Variants in PDZD2 observed in about 807,000 individuals in gnomAD.
The protein encoded by PDZD2 is PDZ domain-containing protein 2.
In PDZD2, 90 loss-of-function variants were observed where a neutral mutation model predicts 220.7. The ratio of observed to expected loss-of-function variants is 0.41; its 90% CI spans 0.34 to 0.49. The LOEUF (loss-of-function observed/expected upper bound fraction) is 0.49, where lower values mean the gene tolerates loss of function less well. Ranked by LOEUF, PDZD2 falls within the 20% of genes least tolerant of loss-of-function variation. PDZD2 has a pLI of 0.28. For missense variants in PDZD2, 3,174 were observed against 3,608.5 expected (o/e 0.88, Z 3.08); for synonymous variants, 1,375 against 1,450.5 (o/e 0.95, Z 1.18).
At chr5:31,916,865 C>T (rs1323826006) in intron 2 of PDZD2, among the ~76,000 whole-genome samples, 1 of 152,148 alleles carries the variant, frequency 6.6e-6, no homozygotes, top group Non-Finnish European at 1.5e-5. Context: ...GAGCCTCCTA[C>T]CAGCATCCTT....
At chr5:32,025,902 C>T (rs951556715) in intron 6 of PDZD2, among the ~76,000 whole-genome samples, 3 of 151,928 alleles carry the variant, frequency 2.0e-5, no homozygotes, top group East Asian at 2.0e-4. Flanking sequence ...GCCCAGGCCA[C>T]GATGTCTTAC....
chr5:31,983,227 C>G lies in PDZD2; in HGVS notation c.549C>G (p.Ala183=), dbSNP rs185493433. 6.4e-5 allele frequency: 104 copies of G among 1,614,066 alleles called. No individual in the cohort carries two copies. The highest frequency in any genetic ancestry group is 3.7e-4 in the Admixed American group (22 of 60,016). ...TGCTGCGTCGCTTTAAGCACAAAGC[C>G]CACTCCACTTATAATGGCAACAGTA... ...LIMLRRFKHK[A]HSTYNGNSSN... is the part of the protein sequence containing the mutation. Residue 183 remains alanine (A), a synonymous_variant, in exon 3 of 25, where the codon GCC becomes GCG. Transcript: ENST00000438447.
At chr5:32,014,450 G>GT (rs1474814339) in intron 6 of PDZD2, among the ~76,000 whole-genome samples, 1 of 152,070 alleles carries the variant, frequency 6.6e-6, no homozygotes. Context: ...AAAGAGAATG[G>GT]GAACAGGATG....
At position 32,077,513 on chromosome 5, in the gene PDZD2, G is replaced by A. The variant is rs1741414348; in HGVS notation, c.3589G>A (p.Glu1197Lys). 2 of 1,614,054 alleles carry A rather than the reference G, an allele frequency of 1.2e-6. No homozygotes were observed. The highest frequency in any genetic ancestry group is 1.7e-6 in the Non-Finnish European group (2 of 1,179,914). The change falls in exon 19 of 25, where the codon GAA (glutamate) becomes AAA (lysine). Residue 1197 changes from glutamate to lysine, a missense_variant. This residue lies in a region of PDZD2 where 1,861 missense variants were observed against 2,001.0 expected (regional missense o/e 0.93). Coordinates refer to ENST00000438447, the MANE Select transcript of PDZD2 (RefSeq NM_178140.4). ...AGATGCTTGTGTCTCTACCAGCTGT[G>A]AACTAGCCAGTGCTCTGTCCCATCT... ...TGDACVSTSCELASALSHLDA... is the reference protein window; with the variant it reads ...TGDACVSTSCKLASALSHLDA...
chr5:31,737,153 A>G (rs1007481037), intron 1 of PDZD2, among the ~76,000 whole-genome samples: 4 of 149,564 alleles, frequency 2.7e-5, no homozygotes, highest in African/African-American at 9.8e-5. Context: ...ATGGAATGTC[A>G]GAGCAGTCTA....
At chr5:31,825,950 T>C (rs200663804) in intron 2 of PDZD2, among the ~76,000 whole-genome samples, 10 of 145,600 alleles carry the variant, frequency 6.9e-5, no homozygotes, top group East Asian at 5.9e-4. Flanking sequence ...TTTTTTTTTT[T>C]CCTCTTTTAA....
At position 32,053,876 on chromosome 5, in the gene PDZD2, TAAA is replaced by T. The variant is rs1190112068; in HGVS notation, c.1894_1896del (p.Lys632del). ...GATCAGCTGCAGAGGACGGAAGACTTAAAGAAGGTAGGGGAAAGCCTCTTGTAT... is the reference window on the plus strand; with the variant it reads ...GATCAGCTGCAGAGGACGGAAGACTTGAAGGTAGGGGAAAGCCTCTTGTAT... On this transcript the variant is annotated inframe_deletion, in exon 10 of 25. Coordinates refer to ENST00000438447, the MANE Select transcript of PDZD2 (RefSeq NM_178140.4). 6.4e-7 allele frequency: 1 copy of T among 1,574,214 alleles called. No individual in the cohort carries two copies. Among genetic ancestry groups the T allele is most frequent in the East Asian group, 2.2e-5 (1 of 44,702 alleles).
chr5:31,778,484 G>A (rs1752850677), intron 1 of PDZD2, among the ~76,000 whole-genome samples: 1 of 152,088 alleles, frequency 6.6e-6, no homozygotes, highest in African/African-American at 2.4e-5. Flanking sequence ...CCACTGGGAG[G>A]AATGAACAAC....
intron 1 of PDZD2, among the ~76,000 whole-genome samples, chr5:31,784,687 T>C (rs545291470): frequency 0.1 from 15,152 of 152,126 alleles, 830 homozygotes; most frequent in South Asian, 0.18. Flanking sequence ...GGCAGGTGGA[T>C]CACGAGGTCA....
intron 1 of PDZD2, among the ~76,000 whole-genome samples, chr5:31,718,845 C>T (rs529788495): frequency 3.0e-4 from 46 of 152,158 alleles, no homozygotes; most frequent in African/African-American, 9.9e-4. Flanking sequence ...GAATTACAGG[C>T]GCATGCCACC....
intron 5 of PDZD2, among the ~76,000 whole-genome samples, chr5:32,002,292 G>GTCCTT (rs1752194812): frequency 6.6e-6 from 1 of 152,066 alleles, no homozygotes; most frequent in African/African-American, 2.4e-5. Flanking sequence ...TGAGACCACT[G>GTCCTT]TCCATTCATA....
In PDZD2 at chr5:31,881,667, T is replaced by G. The variant is rs193193746; in HGVS notation, c.476+81943T>G. On this transcript the variant is annotated intron_variant, in intron 2 of 24. Coordinates refer to ENST00000438447, the MANE Select transcript of PDZD2 (RefSeq NM_178140.4). ...TGCTGGAATTACAGGCGTGAGCCAC[T>G]GTGCCGGGGCATGCATATACATAAT... 2.0e-3 allele frequency among the ~76,000 whole-genome samples: 284 copies of G among 138,766 alleles called. 1 individual carries two copies. Among genetic ancestry groups the G allele is most frequent in the African/African-American group, 7.4e-3 (268 of 36,056 alleles). 91.0% of individuals were successfully genotyped at this position (138,766 alleles called of 152,430 possible).
chr5:31,780,225 A>T (rs543772567), intron 1 of PDZD2, among the ~76,000 whole-genome samples: 1 of 152,160 alleles, frequency 6.6e-6, no homozygotes, highest in African/African-American at 2.4e-5. Flanking sequence ...GCGGCAGGAA[A>T]AGTCAAGCAC....
intron 3 of PDZD2, among the ~76,000 whole-genome samples, chr5:31,988,391 G>A (rs1425069591): frequency 6.6e-6 from 1 of 151,082 alleles, no homozygotes; most frequent in Non-Finnish European, 1.5e-5. Flanking sequence ...CATAAGGCGA[G>A]GTCCAGAGGG....
At chr5:31,737,578 T>C (rs1749985134) in intron 1 of PDZD2, among the ~76,000 whole-genome samples, 1 of 152,210 alleles carries the variant, frequency 6.6e-6, no homozygotes, top group African/African-American at 2.4e-5. Flanking sequence ...GGGACCAGAA[T>C]GGCCATAGGT....
At chr5:31,735,764 G>A (rs1194475100) in intron 1 of PDZD2, among the ~76,000 whole-genome samples, 1 of 152,150 alleles carries the variant, frequency 6.6e-6, no homozygotes, top group East Asian at 1.9e-4. Context: ...GGCCAACATG[G>A]TGAAACCCCG....
chr5:32,052,565 G>T (rs369912798), intron 8 of PDZD2, 46 bp from the exon 9 acceptor site: 43 of 1,596,412 alleles, frequency 2.7e-5, no homozygotes, highest in Non-Finnish European at 3.4e-5. Flanking sequence ...TACCACAATA[G>T]AACAAATGAG....
At chr5:31,808,329 C>A (rs1159675226) in intron 2 of PDZD2, among the ~76,000 whole-genome samples, 1 of 152,156 alleles carries the variant, frequency 6.6e-6, no homozygotes, top group African/African-American at 2.4e-5. Flanking sequence ...TTTCCCTTAC[C>A]GGTTAAAACG....
Position 32,089,121 on chromosome 5 carries a change from G to A in PDZD2, c.5673G>A (p.Lys1891=). The A allele has an allele frequency of 6.2e-7, 1 of 1,614,182 alleles. No homozygotes were observed. Residue 1891 remains lysine, a synonymous_variant, in exon 20 of 25, where the codon AAG becomes AAA. Coordinates refer to ENST00000438447, the MANE Select transcript of PDZD2 (RefSeq NM_178140.4). ...CGPKLKRLSL[K]GKAKVNSEAP... ...CGAAGCTGAAGAGGCTCAGCCTCAAGGGCAAGGCCAAAGTCAACTCTGAGG... is the reference window on the plus strand; with the variant it reads ...CGAAGCTGAAGAGGCTCAGCCTCAAAGGCAAGGCCAAAGTCAACTCTGAGG...
Sources: gnomAD v4.1 joint callset for allele counts (sites outside exome capture counted in the v4.1 genomes callset) on GRCh38, gnomAD v4.1.1 for gene constraint, gnomAD v4.1.1 regional missense constraint, MANE v1.5 for transcripts, NCBI Gene and HGNC (gene_info 2026-07-23, HGNC 2026-07-21) for gene names.